The following RGS6 variants were observed in gnomAD, a reference collection of about 807,000 sequenced individuals.
The protein encoded by RGS6 is regulator of G protein signaling 6, also known as regulator of G-protein signaling 6.
RGS6 carries 30 observed loss-of-function variants against 78.5 expected under a neutral mutation model. The ratio of observed to expected loss-of-function variants is 0.38; its 90% CI spans 0.29 to 0.52. The LOEUF (loss-of-function observed/expected upper bound fraction) is 0.52. Among genes scored for constraint, RGS6 ranks in the 20% least tolerant of loss-of-function variants. The probability of loss-of-function intolerance (pLI) is 0.85; values close to 1 mark genes in which losing one functional copy is unlikely to be tolerated. For synonymous variants in RGS6, 206 were observed against 206.0 expected (o/e 1.00, Z 0.00); for missense variants, 495 against 609.7 (o/e 0.81, Z 1.98).
chr14:72,149,094 T>C (rs2096647021), intron 2 of RGS6, among the ~76,000 whole-genome samples: 1 of 152,192 alleles, frequency 6.6e-6, no homozygotes, highest in Non-Finnish European at 1.5e-5. Context: ...TGGCAGTTGA[T>C]GCTGGCTGTT....
chr14:71,982,800 G>A (rs7161413), intron 2 of RGS6, among the ~76,000 whole-genome samples: 141,516 of 152,284 alleles, frequency 0.93, 65,823 homozygotes, highest in East Asian at 0.99. Flanking sequence ...TTGCTTTTCA[G>A]TGCCCTCAAA....
chr14:72,244,519 T>C lies in RGS6; in HGVS notation c.85-107576T>C, dbSNP rs141093757. 4.1e-4 allele frequency among the ~76,000 whole-genome samples: 63 copies of C among 152,324 alleles called. 1 individual carries two copies. The East Asian group carries it at 7.3e-3, about 18-fold the overall frequency. On this transcript the variant is annotated intron_variant, in intron 2 of 17. Coordinates refer to ENST00000553525, the MANE Select transcript of RGS6 (RefSeq NM_001204424.2). ...TTAGTGTCATCTTTTCTGCCTCCCA[T>C]TGGGGACTGTGAAGTTATTCCAAGG...
intron 2 of RGS6, among the ~76,000 whole-genome samples, chr14:72,047,322 G>T (rs189164134): frequency 6.6e-6 from 1 of 152,292 alleles, no homozygotes; most frequent in African/African-American, 2.4e-5. Flanking sequence ...CTTACTGTCT[G>T]CCAGGCCCTG....
chr14:72,213,468 C>T (rs1464430444), intron 2 of RGS6, among the ~76,000 whole-genome samples: 1 of 152,182 alleles, frequency 6.6e-6, no homozygotes, highest in Non-Finnish European at 1.5e-5. Flanking sequence ...CGTTTACCCC[C>T]CTGTGATCAA....
At chr14:72,499,882 C>T (rs997508275) in intron 13 of RGS6, among the ~76,000 whole-genome samples, 3 of 152,162 alleles carry the variant, frequency 2.0e-5, no homozygotes, top group African/African-American at 7.2e-5. Context: ...CATCCTCCTC[C>T]TGGTTCCCTT....
the RGS6 span, among the ~76,000 whole-genome samples, chr14:72,610,993 A>G: frequency 6.6e-6 from 1 of 152,154 alleles, no homozygotes; most frequent in African/African-American, 2.4e-5. Context: ...GCTGTCACGC[A>G]CTTTAAAACC....
At chr14:72,011,522 C>T (rs1006989063) in intron 2 of RGS6, among the ~76,000 whole-genome samples, 4 of 150,888 alleles carry the variant, frequency 2.7e-5, no homozygotes, top group African/African-American at 4.9e-5. Flanking sequence ...AGAGATCCAA[C>T]AAAAACCCAG....
intron 3 of RGS6, among the ~76,000 whole-genome samples, chr14:72,394,769 C>T (rs941803784): frequency 6.6e-6 from 1 of 152,134 alleles, no homozygotes; most frequent in African/African-American, 2.4e-5. Flanking sequence ...CATACATCCT[C>T]AGCTTACGAA....
the RGS6 span, among the ~76,000 whole-genome samples, chr14:72,593,753 A>G: frequency 1.3e-5 from 2 of 152,188 alleles, no homozygotes; most frequent in South Asian, 4.1e-4. Context: ...ACAGAAATCC[A>G]ATCTAGTGTT....
intron 4 of RGS6, among the ~76,000 whole-genome samples, chr14:72,456,661 A>G (rs1434157579): frequency 6.6e-6 from 1 of 152,128 alleles, no homozygotes. Context: ...TAGCTCCAAG[A>G]CTGGTGGCAT....
intron 2 of RGS6, among the ~76,000 whole-genome samples, chr14:72,040,574 A>T (rs1412569921): frequency 2.0e-5 from 3 of 152,088 alleles, no homozygotes; most frequent in African/African-American, 7.2e-5. Context: ...CAGTTTGATT[A>T]TAATGTGCCT....
At chr14:72,005,821 T>C (rs1282036855) in intron 2 of RGS6, among the ~76,000 whole-genome samples, 4 of 152,196 alleles carry the variant, frequency 2.6e-5, no homozygotes, top group South Asian at 2.1e-4. Flanking sequence ...GGACAAATAT[T>C]CTGACTCTTG....
intron 2 of RGS6, among the ~76,000 whole-genome samples, chr14:71,965,908 G>T (rs190078940): frequency 1.3e-5 from 2 of 152,276 alleles, no homozygotes; most frequent in Non-Finnish European, 2.9e-5. Context: ...AGGAATATAG[G>T]CGGCAAGTAG....
chr14:72,039,812 G>GTTTTTTTTTTTTTTTTT (rs1555447720), intron 2 of RGS6, among the ~76,000 whole-genome samples: 1 of 21,482 alleles, frequency 4.7e-5, no homozygotes, highest in Non-Finnish European at 8.8e-5. Context: ...GTGTTTCATT[G>GTTTTTTTTTTTTTTTTT]ATTTTTTTTT....
At chr14:72,311,516 A>G (rs2068611861) in intron 2 of RGS6, among the ~76,000 whole-genome samples, 2 of 152,178 alleles carry the variant, frequency 1.3e-5, no homozygotes, top group Admixed American at 6.5e-5. Flanking sequence ...GGAAGAAAAC[A>G]TTATTGTAGC....
intron 3 of RGS6, among the ~76,000 whole-genome samples, chr14:72,372,340 T>C (rs879320196): frequency 1.7e-4 from 26 of 152,172 alleles, no homozygotes; most frequent in South Asian, 1.0e-3. Flanking sequence ...TTTGAAGTCA[T>C]TTTTATATAA....
intron 5 of RGS6, among the ~76,000 whole-genome samples, chr14:72,459,132 G>T (rs1447895072): frequency 6.6e-6 from 1 of 152,126 alleles, no homozygotes; most frequent in Admixed American, 6.5e-5. Context: ...GTCTCATGTT[G>T]CCTTCTCGGA....
chr14:71,913,875 G>C, the RGS6 span, among the ~76,000 whole-genome samples: 1 of 152,194 alleles, frequency 6.6e-6, no homozygotes. Context: ...TCTGCAATTT[G>C]CAGCCAAAAG....
intron 2 of RGS6, among the ~76,000 whole-genome samples, chr14:72,260,656 G>A (rs998721345): frequency 3.3e-5 from 5 of 152,188 alleles, no homozygotes; most frequent in African/African-American, 1.2e-4. Context: ...CTAGAGATAG[G>A]GGTTATGGCA....
Sources: gnomAD v4.1 joint callset for allele counts (sites outside exome capture counted in the v4.1 genomes callset) on GRCh38, gnomAD v4.1.1 for gene constraint, MANE v1.5 for transcripts, NCBI Gene and HGNC (gene_info 2026-07-23, HGNC 2026-07-21) for gene names.